Variants in DOCK3 observed in about 807,000 individuals in gnomAD.
DOCK3 encodes the protein dedicator of cytokinesis 3, also known as dedicator of cytokinesis protein 3.
A neutral mutation model predicts 265.6 loss-of-function variants in DOCK3; 60 were observed. The observed-to-expected ratio is 0.23, with a 90% CI of 0.18 to 0.28. The LOEUF (loss-of-function observed/expected upper bound fraction) is 0.28, where lower values mean the gene tolerates loss of function less well. Among genes scored for constraint, DOCK3 ranks in the 10% least tolerant of loss-of-function variants. DOCK3 has a pLI of 1.00. For synonymous variants in DOCK3, 881 were observed against 938.0 expected (o/e 0.94, Z 1.11); for missense variants, 1,981 against 2,594.3 (o/e 0.76, Z 5.14).
chr3:51,104,200 A>C (rs975242951), intron 9 of DOCK3, among the ~76,000 whole-genome samples: 3 of 152,212 alleles, frequency 2.0e-5, no homozygotes, highest in African/African-American at 7.2e-5. Flanking sequence ...GCTCTCAGGC[A>C]GAAGCATGAG....
chr3:50,699,886 G>T (rs1462280674), intron 1 of DOCK3, among the ~76,000 whole-genome samples: 1 of 152,098 alleles, frequency 6.6e-6, no homozygotes, highest in Middle Eastern at 3.4e-3. Flanking sequence ...GAATACATGT[G>T]ATATTTTGAT....
At chr3:50,973,402 T>G (rs1256425012) in intron 5 of DOCK3, among the ~76,000 whole-genome samples, 1 of 145,102 alleles carries the variant, frequency 6.9e-6, no homozygotes, top group Admixed American at 7.0e-5. Context: ...GGTTTTTTGT[T>G]CTTGCGATAG....
In DOCK3 at chr3:51,202,560, T is replaced by C. The variant is rs1390941513; in HGVS notation, c.1038-6214T>C. 2.0e-5 allele frequency among the ~76,000 whole-genome samples: 3 copies of C among 152,052 alleles called. No homozygotes were observed. The South Asian group carries it at 6.2e-4, about 32-fold the overall frequency. Reference sequence around the variant, plus strand: ...CAACCAAAAAGAGTCCAGGACCAGATGGATTCACAGCCGAATTCTACCAGA... The same window carrying C: ...CAACCAAAAAGAGTCCAGGACCAGACGGATTCACAGCCGAATTCTACCAGA... On this transcript the variant is annotated intron_variant, in intron 12 of 52. Coordinates refer to ENST00000266037, the MANE Select transcript of DOCK3 (RefSeq NM_004947.5).
At chr3:51,044,102 T>G (rs916265170) in intron 5 of DOCK3, among the ~76,000 whole-genome samples, 1 of 152,174 alleles carries the variant, frequency 6.6e-6, no homozygotes, top group African/African-American at 2.4e-5. Flanking sequence ...ATATAAATAA[T>G]TTTATGATAA....
intron 1 of DOCK3, among the ~76,000 whole-genome samples, chr3:50,751,421 T>A (rs2039800064): frequency 6.6e-6 from 1 of 152,174 alleles, no homozygotes; most frequent in African/African-American, 2.4e-5. Context: ...CTCCCTCCCC[T>A]TCCCCCAATG....
intron 2 of DOCK3, chr3:50,787,791 G>T: frequency 1.8e-6 from 2 of 1,109,722 alleles, no homozygotes; most frequent in South Asian, 1.2e-5. Context: ...CATAGTCATT[G>T]CTGTTATCTG....
intron 49 of DOCK3, among the ~76,000 whole-genome samples, chr3:51,363,973 A>G (rs1224616221): frequency 1.3e-5 from 2 of 152,240 alleles, no homozygotes; most frequent in African/African-American, 2.4e-5. Flanking sequence ...TTATAGTAGC[A>G]TGATTTATAA....
chr3:51,333,062 G>A, intron 34 of DOCK3, 35 bp downstream of exon 34: 1 of 1,613,962 alleles, frequency 6.2e-7, no homozygotes, highest in South Asian at 1.1e-5. Context: ...GCTGTCTCCA[G>A]ATCCATCACA....
intron 2 of DOCK3, chr3:50,788,161 C>T: frequency 1.3e-6 from 1 of 753,884 alleles, no homozygotes; most frequent in South Asian, 2.1e-5. Flanking sequence ...GGTCAAGTTC[C>T]TTGTGGCACC....
chr3:50,856,740 A>G (rs1286643375), intron 3 of DOCK3, among the ~76,000 whole-genome samples: 1 of 152,002 alleles, frequency 6.6e-6, no homozygotes, highest in Non-Finnish European at 1.5e-5. Flanking sequence ...AGAGTGGTGT[A>G]GGGGGACATT....
chr3:51,262,052 G>C (rs1321313436), intron 23 of DOCK3, among the ~76,000 whole-genome samples: 1 of 152,210 alleles, frequency 6.6e-6, no homozygotes, highest in Non-Finnish European at 1.5e-5. Context: ...CCAGCACAGT[G>C]CTCGAGCTCT....
chr3:50,858,422 T>TATAATA (rs149503894), intron 3 of DOCK3, among the ~76,000 whole-genome samples: 10,609 of 124,028 alleles, frequency 0.086, 830 homozygotes, highest in East Asian at 0.3. Flanking sequence ...TAACTTAAAA[T>TATAATA]ATAATAATAA....
chr3:50,770,838 A>C (rs907133287), intron 1 of DOCK3, among the ~76,000 whole-genome samples: 2 of 152,210 alleles, frequency 1.3e-5, no homozygotes, highest in African/African-American at 4.8e-5. Context: ...TTTTCACCAA[A>C]GATGCCAAGA....
chr3:51,380,223 G>T lies in DOCK3; in HGVS notation c.5583+16G>T. 1 of 1,605,190 alleles carries T rather than the reference G, an allele frequency of 6.2e-7. No homozygotes were observed. Among genetic ancestry groups the T allele is most frequent in the Non-Finnish European group, 8.5e-7 (1 of 1,174,596 alleles). ...CCTGCGCAAGGTAATGTACTGAAGCGGCAGCCCCACCAGGCTGTGAGATGA... is the reference window on the plus strand; with the variant it reads ...CCTGCGCAAGGTAATGTACTGAAGCTGCAGCCCCACCAGGCTGTGAGATGA... On this transcript the variant is annotated intron_variant, in intron 52 of 52. Transcript: ENST00000266037.
At chr3:50,963,077 T>C (rs966804002) in intron 5 of DOCK3, among the ~76,000 whole-genome samples, 1 of 152,036 alleles carries the variant, frequency 6.6e-6, no homozygotes, top group Non-Finnish European at 1.5e-5. Flanking sequence ...CCCAGCTACA[T>C]GGGAGGCTGA....
At chr3:50,892,717 C>T (rs2048699618) in intron 4 of DOCK3, among the ~76,000 whole-genome samples, 1 of 152,048 alleles carries the variant, frequency 6.6e-6, no homozygotes, top group African/African-American at 2.4e-5. Context: ...AGCTAGCTTG[C>T]CTCTGCAAGA....
intron 3 of DOCK3, among the ~76,000 whole-genome samples, chr3:50,889,099 G>T (rs2048509927): frequency 6.6e-6 from 1 of 151,010 alleles, no homozygotes; most frequent in Non-Finnish European, 1.5e-5. Context: ...GTGTGTGTGT[G>T]TGTGTGTGTG....
chr3:51,027,687 T>C (rs191588668), intron 5 of DOCK3, among the ~76,000 whole-genome samples: 9 of 152,308 alleles, frequency 5.9e-5, no homozygotes, highest in Non-Finnish European at 1.2e-4. Context: ...TTTATCATTA[T>C]GTAATGCCCT....
At chr3:50,978,144 C>T (rs1188043728) in intron 5 of DOCK3, among the ~76,000 whole-genome samples, 28 of 151,672 alleles carry the variant, frequency 1.8e-4, no homozygotes, top group South Asian at 2.1e-4. Flanking sequence ...TCTCTCAGCT[C>T]GTCAAAGTCA....
Sources: gnomAD v4.1 joint callset for allele counts (sites outside exome capture counted in the v4.1 genomes callset) on GRCh38, gnomAD v4.1.1 for gene constraint, MANE v1.5 for transcripts, NCBI Gene and HGNC (gene_info 2026-07-23, HGNC 2026-07-21) for gene names.